The following TMCO4 variants were observed in gnomAD, a reference collection of about 807,000 sequenced individuals.
The protein encoded by TMCO4 is transmembrane and coiled-coil domain-containing protein 4.
Under a neutral mutation model 64.7 loss-of-function variants are expected in TMCO4, and 58 were observed. The ratio of observed to expected loss-of-function variants is 0.90; its 90% CI spans 0.73 to 1.12. The LOEUF (loss-of-function observed/expected upper bound fraction) is 1.12. TMCO4 is among the 50% of genes most tolerant of loss of function. The pLI is 0.00. For synonymous variants in TMCO4, 325 were observed against 346.1 expected, an observed-to-expected ratio of 0.94 and a Z score of 0.68; for missense variants, 780 against 825.9, an observed-to-expected ratio of 0.94 and a Z score of 0.68.
At chr1:19,735,642 C>T (rs972811271) in intron 13 of TMCO4, among the ~76,000 whole-genome samples, 1 of 152,160 alleles carries the variant, frequency 6.6e-6, no homozygotes, top group Admixed American at 6.5e-5. Context: ...ACCTCACTTC[C>T]GGTTACCACA....
At chr1:19,694,625 G>T in intron 14 of TMCO4, 74 bp from the exon 15 acceptor site, 4 of 1,397,348 alleles carry the variant, frequency 2.9e-6, no homozygotes, top group Non-Finnish European at 4.0e-6. Flanking sequence ...GGGCCAGGCT[G>T]CCTCCTGGGG....
intron 13 of TMCO4, among the ~76,000 whole-genome samples, chr1:19,708,226 CAG>C (rs961829674): frequency 3.3e-5 from 5 of 151,626 alleles, no homozygotes; most frequent in South Asian, 2.1e-4. Context: ...GAAGAGGAAA[CAG>C]AAAGTTCAAA....
At chr1:19,794,987 C>CG (rs1304190874) in intron 2 of TMCO4, among the ~76,000 whole-genome samples, 2 of 151,614 alleles carry the variant, frequency 1.3e-5, no homozygotes, top group Admixed American at 1.3e-4. Flanking sequence ...CCAGGGGCTG[C>CG]GGGGAGGAGG....
intron 7 of TMCO4, among the ~76,000 whole-genome samples, chr1:19,749,463 G>A (rs2100902551): frequency 1.3e-5 from 2 of 152,108 alleles, no homozygotes; most frequent in East Asian, 3.9e-4. Flanking sequence ...CACCTCTCAG[G>A]TTCAAGTGGT....
At chr1:19,717,079 G>A (rs2095360161) in intron 13 of TMCO4, among the ~76,000 whole-genome samples, 1 of 152,194 alleles carries the variant, frequency 6.6e-6, no homozygotes, top group African/African-American at 2.4e-5. Flanking sequence ...CCAACTACTT[G>A]GGAAGCTGAG....
chr1:19,743,978 T>C lies in TMCO4; in HGVS notation c.877+1554A>G, dbSNP rs900562574. Among the ~76,000 whole-genome samples, 2 of 152,176 alleles carry C rather than the reference T, an allele frequency of 1.3e-5. No individual in the cohort carries two copies. The highest frequency in any genetic ancestry group is 4.8e-5 in the African/African-American group (2 of 41,456). On this transcript the variant is annotated intron_variant, in intron 10 of 15. Transcript: ENST00000294543. This position sits in a 1 kb window ranked among gnomAD's most constrained non-coding sequence, Gnocchi z 4.1. ...GCTCACTGAACGCTAGTGACCTCTG[T>C]GCATGGGTGGTGCCCGGCGGTCACA...
rs1452291922 is a variant in TMCO4, at chr1:19,755,837, C to T, written c.383-71G>A. On this transcript the variant is annotated intron_variant, in intron 6 of 15. Transcript: ENST00000294543. Reference sequence around the variant, plus strand: ...AAGAACAGTGATGTTAGCAGTGTAACTGATAAAACCCACACTAGAAACAGC... The same window carrying T: ...AAGAACAGTGATGTTAGCAGTGTAATTGATAAAACCCACACTAGAAACAGC... 1.3e-5 allele frequency: 20 copies of T among 1,581,658 alleles called. No homozygotes were observed. In the East Asian group the frequency reaches 3.8e-4, roughly 30 times the overall value.
chr1:19,719,917 C>CA (rs1490545459), intron 13 of TMCO4, among the ~76,000 whole-genome samples: 1 of 151,898 alleles, frequency 6.6e-6, no homozygotes, highest in Non-Finnish European at 1.5e-5. Flanking sequence ...CGTTTGAACC[C>CA]AGGAGGTGGA....
intron 15 of TMCO4, among the ~76,000 whole-genome samples, chr1:19,689,150 T>C (rs768748464): frequency 6.6e-6 from 1 of 152,100 alleles, no homozygotes; most frequent in Non-Finnish European, 1.5e-5. Context: ...TGGCCAGCAT[T>C]TCCCCAACAG....
intron 10 of TMCO4, 53 bp from the exon 11 acceptor site, chr1:19,740,994 C>G: frequency 6.6e-7 from 1 of 1,526,016 alleles, no homozygotes; most frequent in Non-Finnish European, 8.8e-7. Context: ...AGAGGATGCC[C>G]CACCCCAGTA....
intron 10 of TMCO4, among the ~76,000 whole-genome samples, chr1:19,745,141 T>G (rs1266440): frequency 2.6e-5 from 4 of 151,162 alleles, no homozygotes; most frequent in Admixed American, 2.6e-4. Flanking sequence ...GATGGATGCA[T>G]GGGTTCATGG....
chr1:19,731,118 C>T (rs1421755660), intron 13 of TMCO4, among the ~76,000 whole-genome samples: 1 of 151,976 alleles, frequency 6.6e-6, no homozygotes, highest in Non-Finnish European at 1.5e-5. Context: ...GTGAAGATGC[C>T]CCATTGGTAA....
chr1:19,682,382 T>C lies in TMCO4; in HGVS notation c.*658A>G, dbSNP rs1016578499. On this transcript the variant is annotated 3_prime_UTR_variant, in exon 16 of 16. Coordinates refer to ENST00000294543, the MANE Select transcript of TMCO4 (RefSeq NM_181719.7). ...TTCAGCATGTATTCACCATGCTCTG[T>C]TAGTGGTGTCCAGATGTTGCATGAC... 1 of 517,478 alleles carries C rather than the reference T, an allele frequency of 1.9e-6. No individual in the cohort carries two copies. Among genetic ancestry groups the C allele is most frequent in the East Asian group, 3.0e-5 (1 of 32,818 alleles). The allele number at this position is 517,478 out of a possible 1,614,324, so 32.1% of individuals were successfully genotyped here.
chr1:19,683,958 C>T (rs1019405215), intron 15 of TMCO4, among the ~76,000 whole-genome samples: 5 of 150,176 alleles, frequency 3.3e-5, no homozygotes, highest in Admixed American at 3.3e-4. Context: ...GAAGGGGTTT[C>T]ACCATATTGG....
At chr1:19,705,312 G>T (rs534960518) in intron 13 of TMCO4, among the ~76,000 whole-genome samples, 32 of 152,008 alleles carry the variant, frequency 2.1e-4, no homozygotes, top group Non-Finnish European at 3.4e-4. Context: ...TTAGCCAGGC[G>T]TGGTGGTGGG....
chr1:19,793,461 C>G (rs936188623), intron 2 of TMCO4, among the ~76,000 whole-genome samples: 1 of 152,156 alleles, frequency 6.6e-6, no homozygotes, highest in Non-Finnish European at 1.5e-5. Flanking sequence ...TCTTGAGATG[C>G]TCCTAGAAGG....
At position 19,682,689 on chromosome 1, in the gene TMCO4, T is replaced by G. The variant is rs2095111632; in HGVS notation, c.*351A>C. ...CAGGCCCCAGAGAGCCCTCGGGACC[T>G]CCTGATGGACAGCCAGACTCCAAAG... is the stretch of plus-strand genomic sequence containing the variant. On this transcript the variant is annotated 3_prime_UTR_variant, in exon 16 of 16. Coordinates refer to ENST00000294543, the MANE Select transcript of TMCO4 (RefSeq NM_181719.7). 1.4e-6 allele frequency: 1 copy of G among 717,534 alleles called. No individual in the cohort carries two copies. The highest frequency in any genetic ancestry group is 2.0e-5 in the Admixed American group (1 of 50,002). The allele number at this position is 717,534 out of a possible 1,614,324, so 44.4% of individuals were successfully genotyped here.
chr1:19,697,773 ATTT>A (rs55842212), intron 14 of TMCO4, among the ~76,000 whole-genome samples: 16 of 125,556 alleles, frequency 1.3e-4, no homozygotes, highest in Admixed American at 2.4e-4. Flanking sequence ...TAATTTTTGT[ATTT>A]TTTTTTTTTT....
At chr1:19,780,201 C>T (rs1163769264) in intron 4 of TMCO4, among the ~76,000 whole-genome samples, 3 of 152,306 alleles carry the variant, frequency 2.0e-5, no homozygotes, top group East Asian at 1.9e-4. Context: ...TCTAATGCTG[C>T]CACAACTCAA....
Sources: allele counts gnomAD v4.1 joint callset (sites outside exome capture counted in the v4.1 genomes callset), GRCh38; gene constraint gnomAD v4.1.1; non-coding constraint Gnocchi (gnomAD v3.1); transcripts MANE v1.5; gene names NCBI Gene and HGNC (gene_info 2026-07-23, HGNC 2026-07-21).